The following ARHGAP27 variants were observed in gnomAD, a reference collection of about 807,000 sequenced individuals.
ARHGAP27 encodes rho GTPase-activating protein 27.
Under a neutral mutation model 102.0 loss-of-function variants are expected in ARHGAP27, and 53 were observed. The observed-to-expected ratio is 0.52, with a 90% confidence interval of 0.42 to 0.65. The LOEUF is 0.65. ARHGAP27 is among the 30% of genes least tolerant of loss of function. ARHGAP27 has a pLI of 0.00. For missense variants in ARHGAP27, 1,117 were observed against 1,256.2 expected, an observed-to-expected ratio of 0.89 and a Z score of 1.68; for synonymous variants, 525 against 542.8, an observed-to-expected ratio of 0.97 and a Z score of 0.46.
Position 45,405,110 on chromosome 17 carries a change from C to A in ARHGAP27, c.1066-4G>T. 1 of 1,567,192 alleles carries A rather than the reference C, an allele frequency of 6.4e-7. No homozygotes were observed. The highest frequency in any genetic ancestry group is 8.7e-7 in the Non-Finnish European group (1 of 1,155,002). ...AGTCCGTCTCGGGAGTGGGGGGCTG[C>A]GGGGAACAGAAGGTGGAGTCAGAGG... On this transcript the variant is annotated splice_region_variant and splice_polypyrimidine_tract_variant and intron_variant, in intron 5 of 19. Transcript: ENST00000685559.
chr17:45,404,818 G>A, intron 6 of ARHGAP27, 106 bp downstream of exon 6: 1 of 1,550,874 alleles, frequency 6.4e-7, no homozygotes, highest in Non-Finnish European at 8.8e-7. Flanking sequence ...GCTGGTTTAG[G>A]CTCTGTGTGG....
chr17:45,403,538 G>A (rs1426344836), intron 11 of ARHGAP27, 81 bp downstream of exon 11: 14 of 1,210,164 alleles, frequency 1.2e-5, no homozygotes, highest in South Asian at 1.5e-5. Flanking sequence ...GTGACAGAGC[G>A]AGACTCCGTC....
chr17:45,417,479 CT>C (rs1597839753), intron 4 of ARHGAP27, among the ~76,000 whole-genome samples: 1 of 148,776 alleles, frequency 6.7e-6, no homozygotes, highest in South Asian at 2.1e-4. Context: ...AAAAAAAATT[CT>C]TTTTGTCTGG....
chr17:45,410,523 C>A, intron 4 of ARHGAP27: 2 of 998,692 alleles, frequency 2.0e-6, no homozygotes, highest in Non-Finnish European at 2.7e-6. Flanking sequence ...AGAAACACTG[C>A]TGGCTGCCCC....
chr17:45,430,344 C>A lies in ARHGAP27; in HGVS notation c.-18-47G>T. On this transcript the variant is annotated intron_variant, in intron 3 of 19. Coordinates refer to ENST00000685559, the MANE Select transcript of ARHGAP27 (RefSeq NM_001282290.2). The surrounding 1 kb of genome is among the most constrained non-coding windows in gnomAD (Gnocchi z 4.4). The stretch of plus-strand genomic sequence containing the variant: ...GCCGCGGAGGTCAAGACCACCGAGC[C>A]TGGAATAGCCCCGCACTCGGGGACA... 6.6e-7 allele frequency: 1 copy of A among 1,510,892 alleles called. No individual in the cohort carries two copies. Among genetic ancestry groups the A allele is most frequent in the Non-Finnish European group, 8.8e-7 (1 of 1,138,196 alleles). 93.6% of individuals were successfully genotyped at this position (1,510,892 alleles called of 1,614,324 possible).
intron 4 of ARHGAP27, 57 bp from the exon 5 acceptor site, chr17:45,406,140 A>G: frequency 6.8e-7 from 1 of 1,466,052 alleles, no homozygotes; most frequent in Non-Finnish European, 9.0e-7. Flanking sequence ...AAATGGTAAC[A>G]GAGGTCCCCT....
In ARHGAP27 at chr17:45,396,742, A is replaced by G. The variant is rs779068048; in HGVS notation, c.2000T>C (p.Val667Ala). ...GAGGAACTTGCGGAGCTTGTGCCGG[A>G]CCTTGCTCAAGTCGCTCTCCAGGCC... Reference protein sequence around the residue: ...PVGLESDLSKVRHKLRKFLQR... With the variant: ...PVGLESDLSKARHKLRKFLQR... Residue 667 changes from valine (V) to alanine (A), a missense_variant, in exon 15 of 20, where the codon GTC becomes GCC. Coordinates refer to ENST00000685559, the MANE Select transcript of ARHGAP27 (RefSeq NM_001282290.2). 8.7e-6 allele frequency: 14 copies of G among 1,613,620 alleles called. No homozygotes were observed. The East Asian group carries it at 2.9e-4, about 33-fold the overall frequency.
chr17:45,406,156 C>T, intron 4 of ARHGAP27, 73 bp from the exon 5 acceptor site: 3 of 1,406,464 alleles, frequency 2.1e-6, no homozygotes, highest in Non-Finnish European at 2.8e-6. Context: ...CCCCTCTGGG[C>T]AGTGCGATTA....
chr17:45,430,413 G>C lies in ARHGAP27; in HGVS notation c.-18-116C>G. 7 of 1,419,190 alleles carry C rather than the reference G, an allele frequency of 4.9e-6. No individual in the cohort carries two copies. Among genetic ancestry groups the C allele is most frequent in the Non-Finnish European group, 6.5e-6 (7 of 1,082,128 alleles). 87.9% of individuals were successfully genotyped at this position (1,419,190 alleles called of 1,614,324 possible). On this transcript the variant is annotated intron_variant, in intron 3 of 19. Coordinates refer to ENST00000685559, the MANE Select transcript of ARHGAP27 (RefSeq NM_001282290.2). This position sits in a 1 kb window ranked among gnomAD's most constrained non-coding sequence, Gnocchi z 4.4. ...GATCCTGCACTCGCCGTTCGCCTTC[G>C]GGCCTCAGTTTTCCCATCTCTAAAA...
intron 13 of ARHGAP27, 114 bp from the exon 14 acceptor site, chr17:45,397,138 CG>C (rs1276766874): frequency 1.3e-6 from 2 of 1,496,364 alleles, no homozygotes; most frequent in Non-Finnish European, 1.8e-6. Context: ...AGACCCTCAG[CG>C]AAGAGTCCTC....
chr17:45,396,627 G>A (rs559931150), intron 15 of ARHGAP27, 41 bp downstream of exon 15: 49 of 1,611,834 alleles, frequency 3.0e-5, no homozygotes, highest in African/African-American at 2.3e-4. Flanking sequence ...CCTGCGCCCC[G>A]TCCCGGTCCC....
At chr17:45,420,757 A>G (rs2144915137) in intron 4 of ARHGAP27, among the ~76,000 whole-genome samples, 1 of 151,420 alleles carries the variant, frequency 6.6e-6, no homozygotes, top group South Asian at 2.1e-4. Context: ...GATTGAGACC[A>G]TCCTGGCTAA....
Position 45,430,537 on chromosome 17 carries a change from ACC to A in ARHGAP27, c.-18-242_-18-241del, listed in dbSNP as rs1408703495. Among the ~76,000 whole-genome samples the A allele has an allele frequency of 1.3e-5, 2 of 151,998 alleles. No homozygotes were observed. Among genetic ancestry groups the A allele is most frequent in the Non-Finnish European group, 2.9e-5 (2 of 67,992 alleles). On this transcript the variant is annotated intron_variant, in intron 3 of 19. Transcript: ENST00000685559. This position sits in a 1 kb window ranked among gnomAD's most constrained non-coding sequence, Gnocchi z 4.4. ...TCTGTGGGGTTGATTCTAAGATTTG[ACC>A]CTTGCTTCAGTCCTGCGGTGGGGAG...
intron 9 of ARHGAP27, 27 bp downstream of exon 9, chr17:45,404,241 CT>C (rs1567701978): frequency 6.2e-7 from 1 of 1,613,426 alleles, no homozygotes; most frequent in Non-Finnish European, 8.5e-7. Flanking sequence ...GCACCACCAC[CT>C]GGCTGGGGGT....
rs1321379056 is a variant in ARHGAP27 at position 45,396,795 on chromosome 17, C to T, written c.1952-5G>A. On this transcript the variant is annotated splice_polypyrimidine_tract_variant and splice_region_variant and intron_variant, in intron 14 of 19. Coordinates refer to ENST00000685559, the MANE Select transcript of ARHGAP27 (RefSeq NM_001282290.2). ...CGGGGCCCAGGGCGGGCGCGGCTGC[C>T]GCGGGGAAAGGCAGGACTGAGTCAG... The T allele has an allele frequency of 1.3e-5, 21 of 1,609,754 alleles. No homozygotes were observed. The highest frequency in any genetic ancestry group is 1.7e-5 in the Non-Finnish European group (20 of 1,178,096).
intron 12 of ARHGAP27, 140 bp from the exon 13 acceptor site, chr17:45,398,187 C>A (rs1437727107): frequency 1.8e-6 from 1 of 545,708 alleles, no homozygotes; most frequent in Non-Finnish European, 3.1e-6. Context: ...GCAAGGGCCT[C>A]ACCCCAGGCT....
intron 13 of ARHGAP27, chr17:45,397,229 C>T (rs1401857901): frequency 2.1e-6 from 3 of 1,425,610 alleles, no homozygotes; most frequent in Non-Finnish European, 1.8e-6. Flanking sequence ...GCATGGAGCC[C>T]TTAAGGTGCA....
intron 12 of ARHGAP27, among the ~76,000 whole-genome samples, chr17:45,398,725 C>T (rs949505317): frequency 1.5e-5 from 2 of 133,648 alleles, no homozygotes; most frequent in African/African-American, 5.8e-5. Flanking sequence ...CAGAGCAAGA[C>T]TCCGTCTCAA....
intron 5 of ARHGAP27, 62 bp from the exon 6 acceptor site, chr17:45,405,168 C>A: frequency 6.7e-7 from 1 of 1,497,680 alleles, no homozygotes. Context: ...CTGGCCCTGC[C>A]GTTTTGGACC....
Sources: gnomAD v4.1 joint callset for allele counts (sites outside exome capture counted in the v4.1 genomes callset) on GRCh38, gnomAD v4.1.1 for gene constraint, Gnocchi (gnomAD v3.1) non-coding constraint, MANE v1.5 for transcripts, NCBI Gene and HGNC (gene_info 2026-07-23, HGNC 2026-07-21) for gene names.